TSPAN18: variants seen among roughly 807,000 people sequenced by gnomAD.
The protein encoded by TSPAN18 is tetraspanin 18.
A neutral mutation model predicts 27.3 loss-of-function variants in TSPAN18; 14 were observed. That is an observed-to-expected ratio of 0.51 (90% CI 0.34 to 0.80). The LOEUF (loss-of-function observed/expected upper bound fraction) is 0.80, where lower values mean the gene tolerates loss of function less well. TSPAN18 is among the 30% of genes least tolerant of loss of function. The pLI, the probability that TSPAN18 is intolerant of heterozygous loss-of-function variation, is 0.01. For synonymous variants in TSPAN18, 143 were observed against 136.5 expected (o/e 1.05, Z -0.33); for missense variants, 268 against 323.9 (o/e 0.83, Z 1.32).
chr11:44,756,513 ACT>A (rs1426089632), intron 1 of TSPAN18, among the ~76,000 whole-genome samples: 1 of 151,862 alleles, frequency 6.6e-6, no homozygotes, highest in African/African-American at 2.4e-5. Context: ...CATCTCCATA[ACT>A]CTTTTTATTT....
At chr11:44,798,848 T>C (rs1020681548) in intron 2 of TSPAN18, among the ~76,000 whole-genome samples, 2 of 152,200 alleles carry the variant, frequency 1.3e-5, no homozygotes, top group Non-Finnish European at 2.9e-5. Context: ...AGGAGTTGTA[T>C]TCAGCCCTGT....
chr11:44,731,633 T>TGTGTGTGTGTGTGTGAGAGAGAGA (rs139154582), intron 1 of TSPAN18, among the ~76,000 whole-genome samples: 4 of 107,436 alleles, frequency 3.7e-5, no homozygotes, highest in East Asian at 4.9e-4. Flanking sequence ...TGTGTGTGTG[T>TGTGTGTGTGTGTGTGAGAGAGAGA]GAGAGAGAGA....
At chr11:44,744,956 G>T (rs766327432) in intron 1 of TSPAN18, among the ~76,000 whole-genome samples, 99 of 152,172 alleles carry the variant, frequency 6.5e-4, no homozygotes, top group Non-Finnish European at 1.2e-3. Context: ...GGAGTGCCAA[G>T]ATCAATTATT....
chr11:44,787,760 G>A (rs1029626145), intron 2 of TSPAN18, among the ~76,000 whole-genome samples: 2 of 152,216 alleles, frequency 1.3e-5, no homozygotes, highest in Admixed American at 6.5e-5. Flanking sequence ...TGGCTGACCT[G>A]TCCTCCAGCT....
intron 2 of TSPAN18, among the ~76,000 whole-genome samples, chr11:44,838,537 T>G (rs541708405): frequency 5.3e-5 from 8 of 151,956 alleles, no homozygotes; most frequent in African/African-American, 1.9e-4. Flanking sequence ...GGTGGGGAGG[T>G]TGTCCTGGAA....
chr11:44,815,602 G>A (rs1039771127), intron 2 of TSPAN18, among the ~76,000 whole-genome samples: 5 of 152,178 alleles, frequency 3.3e-5, no homozygotes, highest in African/African-American at 1.2e-4. Context: ...CCCTGTGCTG[G>A]GGATTGCTCT....
chr11:44,747,328 A>G (rs1441811706), intron 1 of TSPAN18, among the ~76,000 whole-genome samples: 1 of 152,130 alleles, frequency 6.6e-6, no homozygotes, highest in African/African-American at 2.4e-5. Flanking sequence ...TGCCTTCTCG[A>G]CTTTTTATTT....
rs566082128 is a variant in TSPAN18, at chr11:44,852,146, G to A, written c.-152-8182G>A. ...ACCACCCATTGGTCGAGTACTGTAT[G>A]CCATGTTCAGCTCTAGGCACCAAGT... is the stretch of plus-strand genomic sequence containing the variant. On this transcript the variant is annotated intron_variant, in intron 2 of 9. Transcript: ENST00000520358. Among the ~76,000 whole-genome samples the A allele has an allele frequency of 4.6e-5, 7 of 152,334 alleles. No individual in the cohort carries two copies. The South Asian group carries it at 1.4e-3, about 32-fold the overall frequency.
chr11:44,882,122 T>A (rs1462597465), intron 3 of TSPAN18, among the ~76,000 whole-genome samples: 1 of 152,110 alleles, frequency 6.6e-6, no homozygotes, highest in Non-Finnish European at 1.5e-5. Context: ...TGAAGTGACT[T>A]GCCCAAGGTC....
At chr11:44,745,736 C>CA (rs1210420330) in intron 1 of TSPAN18, among the ~76,000 whole-genome samples, 2 of 152,112 alleles carry the variant, frequency 1.3e-5, no homozygotes, top group Non-Finnish European at 2.9e-5. Flanking sequence ...TATTAAAAAA[C>CA]AAAAAACATG....
At position 44,822,898 on chromosome 11, in the gene TSPAN18, T is replaced by TGTAG. The variant is rs368003184; in HGVS notation, c.-152-37427_-152-37424dup. Among the ~76,000 whole-genome samples, 314 of 152,286 alleles carry TGTAG rather than the reference T, an allele frequency of 2.1e-3. 1 individual carries two copies. The highest frequency in any genetic ancestry group is 7.4e-3 in the African/African-American group (308 of 41,572). On this transcript the variant is annotated intron_variant, in intron 2 of 9. Coordinates refer to ENST00000520358, the MANE Select transcript of TSPAN18 (RefSeq NM_130783.5). ...AATTAAAGGGACTGAGGGTCTCACA[T>TGTAG]GTAGGTGGAGCTGAGTTGATTCTCC...
chr11:44,767,313 G>T (rs180905407), intron 2 of TSPAN18, among the ~76,000 whole-genome samples: 3 of 152,308 alleles, frequency 2.0e-5, no homozygotes, highest in Non-Finnish European at 2.9e-5. Context: ...CACCCCAGAA[G>T]GCGAGCATTA....
At chr11:44,914,055 G>A (rs1859818174) in intron 5 of TSPAN18, among the ~76,000 whole-genome samples, 1 of 152,238 alleles carries the variant, frequency 6.6e-6, no homozygotes, top group Non-Finnish European at 1.5e-5. Context: ...TCATGCCCAG[G>A]CCTTGGGCTT....
chr11:44,732,523 T>A (rs1007013579), intron 1 of TSPAN18, among the ~76,000 whole-genome samples: 5 of 152,106 alleles, frequency 3.3e-5, no homozygotes, highest in African/African-American at 7.2e-5. Context: ...AGGAATGATA[T>A]CTCTTAGACT....
intron 8 of TSPAN18, 109 bp from the exon 9 acceptor site, chr11:44,926,565 G>C (rs1565021878): frequency 3.1e-6 from 3 of 973,448 alleles, no homozygotes; most frequent in Non-Finnish European, 4.9e-6. Flanking sequence ...CCGTGTGATA[G>C]GGTGAGAGCT....
At chr11:44,753,517 G>A (rs1000659827) in intron 1 of TSPAN18, among the ~76,000 whole-genome samples, 1 of 152,156 alleles carries the variant, frequency 6.6e-6, no homozygotes, top group African/African-American at 2.4e-5. Context: ...GCATCTTCCT[G>A]GGGGTCCCAG....
At chr11:44,793,026 G>A (rs1053326582) in intron 2 of TSPAN18, among the ~76,000 whole-genome samples, 3 of 152,164 alleles carry the variant, frequency 2.0e-5, no homozygotes, top group African/African-American at 7.2e-5. Flanking sequence ...AGGGAGCTGG[G>A]AAAATGGGAA....
At chr11:44,836,585 A>AT (rs1857268755) in intron 2 of TSPAN18, among the ~76,000 whole-genome samples, 2 of 152,180 alleles carry the variant, frequency 1.3e-5, no homozygotes, top group African/African-American at 4.8e-5. Flanking sequence ...AAAACAACAG[A>AT]TTTTCAATGT....
At position 44,764,472 on chromosome 11, in the gene TSPAN18, G is replaced by C. The variant is rs1158819693; in HGVS notation, c.-193G>C. The C allele has an allele frequency of 5.9e-5, 9 of 152,204 alleles. No individual in the cohort carries two copies. The highest frequency in any genetic ancestry group is 1.3e-4 in the Non-Finnish European group (9 of 68,056). 9.4% of individuals were successfully genotyped at this position (152,204 alleles called of 1,614,324 possible). A position where few individuals can be genotyped will look rare whatever the true frequency, so the allele number is the denominator to read the frequency against. ...CAGGAGGACACTGTAAGAGAACCTT[G>C]GCACCTCTGGGCCCAAAGGGAAAGA... On this transcript the variant is annotated 5_prime_UTR_variant, in exon 2 of 10. Transcript: ENST00000520358.
Sources: allele counts gnomAD v4.1 joint callset (sites outside exome capture counted in the v4.1 genomes callset), GRCh38; gene constraint gnomAD v4.1.1; transcripts MANE v1.5; gene names NCBI Gene and HGNC (gene_info 2026-07-23, HGNC 2026-07-21).